The following PTPRZ1 variants were observed in gnomAD, a reference collection of about 807,000 sequenced individuals.
PTPRZ1 encodes receptor-type tyrosine-protein phosphatase zeta.
A neutral mutation model predicts 214.1 loss-of-function variants in PTPRZ1; 82 were observed. The observed-to-expected ratio is 0.38, with a 90% CI of 0.32 to 0.46. The LOEUF (loss-of-function observed/expected upper bound fraction) is 0.46. Among genes scored for constraint, PTPRZ1 ranks in the 20% least tolerant of loss-of-function variants. PTPRZ1 has a pLI of 1.00. For missense variants in PTPRZ1, 2,603 were observed against 2,748.7 expected (o/e 0.95, Z 1.19); for synonymous variants, 945 against 987.9 (o/e 0.96, Z 0.81).
At chr7:122,018,481 T>C (rs1252507555) in intron 12 of PTPRZ1, among the ~76,000 whole-genome samples, 4 of 152,024 alleles carry the variant, frequency 2.6e-5, no homozygotes, top group Non-Finnish European at 4.4e-5. Flanking sequence ...ATTTCTTAGA[T>C]CTACATATTC....
At chr7:121,927,496 A>T (rs1795799676) in intron 1 of PTPRZ1, among the ~76,000 whole-genome samples, 1 of 151,680 alleles carries the variant, frequency 6.6e-6, no homozygotes. Flanking sequence ...AGATCTAGAG[A>T]CTCTCTCTGG....
intron 2 of PTPRZ1, among the ~76,000 whole-genome samples, chr7:121,947,521 T>C (rs975962992): frequency 2.0e-5 from 3 of 152,200 alleles, no homozygotes; most frequent in Non-Finnish European, 4.4e-5. Flanking sequence ...CCCTGTAGTT[T>C]AAATTGAAAA....
chr7:121,903,966 T>TCTCTCACACA (rs1554427276), intron 1 of PTPRZ1, among the ~76,000 whole-genome samples: 2 of 123,846 alleles, frequency 1.6e-5, no homozygotes, highest in African/African-American at 6.1e-5. Flanking sequence ...TCTTTAAATC[T>TCTCTCACACA]CACACACACA....
intron 3 of PTPRZ1, among the ~76,000 whole-genome samples, chr7:121,971,153 T>C (rs944149218): frequency 1.3e-5 from 2 of 152,200 alleles, no homozygotes; most frequent in African/African-American, 4.8e-5. Context: ...TTCTGTTCCA[T>C]TGGTCTCTAC....
At chr7:122,023,815 T>C (rs1479985695) in intron 13 of PTPRZ1, among the ~76,000 whole-genome samples, 1 of 130,764 alleles carries the variant, frequency 7.6e-6, no homozygotes, top group African/African-American at 2.9e-5. Context: ...TAATTATATA[T>C]TATATGTATA....
intron 4 of PTPRZ1, among the ~76,000 whole-genome samples, chr7:121,974,678 C>T (rs193012530): frequency 7.2e-5 from 11 of 152,006 alleles, no homozygotes; most frequent in African/African-American, 9.6e-5. Flanking sequence ...TAAGTAGAGA[C>T]GGAGTTTCAC....
intron 22 of PTPRZ1, 75 bp from the exon 23 acceptor site, chr7:122,044,347 A>G: frequency 4.6e-6 from 7 of 1,534,128 alleles, no homozygotes; most frequent in Non-Finnish European, 6.2e-6. Context: ...CTGTCAATGG[A>G]AGGTACTATG....
chr7:121,944,443 T>G (rs1796315038), intron 2 of PTPRZ1, among the ~76,000 whole-genome samples: 1 of 152,154 alleles, frequency 6.6e-6, no homozygotes, highest in African/African-American at 2.4e-5. Context: ...TATTTTTGGC[T>G]GTTGGTAATG....
chr7:122,060,449 T>C (rs913009570), intron 29 of PTPRZ1, among the ~76,000 whole-genome samples: 9 of 152,194 alleles, frequency 5.9e-5, no homozygotes, highest in Non-Finnish European at 1.3e-4. Context: ...AGGTTCTCTG[T>C]AGCTACCTCT....
intron 6 of PTPRZ1, among the ~76,000 whole-genome samples, chr7:121,979,085 C>T (rs570943321): frequency 6.6e-6 from 1 of 151,370 alleles, no homozygotes; most frequent in Non-Finnish European, 1.5e-5. Flanking sequence ...AAAAAAACAC[C>T]TTTTCAACCA....
In PTPRZ1 at chr7:122,059,765, G is replaced by A. The variant is rs779545163; in HGVS notation, c.6684G>A (p.Val2228=). ...TTTTTTTTACAAGGCATGGAGGAGT[G>A]ACGGCAGGAACTTTCTGTGCTCTGA... ...PMIVHDEHGG[V]TAGTFCALTT... Residue 2228 remains valine (V), a synonymous_variant, in exon 29 of 30, where the codon GTG becomes GTA. Transcript: ENST00000393386. 1.5e-5 allele frequency: 24 copies of A among 1,610,106 alleles called. No homozygotes were observed. The highest frequency in any genetic ancestry group is 2.0e-5 in the Non-Finnish European group (24 of 1,178,722).
chr7:121,929,285 C>T (rs538794130), intron 2 of PTPRZ1, among the ~76,000 whole-genome samples: 5 of 152,072 alleles, frequency 3.3e-5, no homozygotes, highest in African/African-American at 1.2e-4. Context: ...GCAGTTTACT[C>T]TTAAAATTAT....
chr7:122,045,687 C>CAT (rs1367571869), intron 23 of PTPRZ1, among the ~76,000 whole-genome samples: 5 of 150,210 alleles, frequency 3.3e-5, no homozygotes, highest in African/African-American at 1.2e-4. Flanking sequence ...ATAAATTACA[C>CAT]ACACACACAC....
In PTPRZ1 at chr7:122,034,361, A is replaced by G; in HGVS notation, c.5267A>G (p.Tyr1756Cys). The part of the protein sequence containing the change: ...NHPDNKHKNR[Y>C]INIVAYDHSR... ...CCAGACAACAAGCACAAGAATCGATACATAAATATCGTTGCCTGTAAGTAT... is the reference window on the plus strand; with the variant it reads ...CCAGACAACAAGCACAAGAATCGATGCATAAATATCGTTGCCTGTAAGTAT... Residue 1756 changes from tyrosine (Y) to cysteine (C), a missense_variant, in exon 17 of 30, where the codon TAC (tyrosine) becomes TGC (cysteine). By Grantham distance (194) the Tyr-to-Cys change is radical. Transcript: ENST00000393386. 1.2e-6 allele frequency: 2 copies of G among 1,612,996 alleles called. No individual in the cohort carries two copies. The highest frequency in any genetic ancestry group is 1.7e-6 in the Non-Finnish European group (2 of 1,179,348).
intron 2 of PTPRZ1, among the ~76,000 whole-genome samples, chr7:121,952,166 G>T (rs1796565898): frequency 6.6e-6 from 1 of 152,074 alleles, no homozygotes; most frequent in Admixed American, 6.5e-5. Context: ...CACCGTGTTA[G>T]CGAGCATGGT....
At chr7:121,879,999 A>G (rs1794187001) in intron 1 of PTPRZ1, among the ~76,000 whole-genome samples, 1 of 152,216 alleles carries the variant, frequency 6.6e-6, no homozygotes, top group Non-Finnish European at 1.5e-5. Flanking sequence ...TAGGGAAGAG[A>G]TTAATGCTAT....
chr7:121,943,710 A>G (rs1283650108), intron 2 of PTPRZ1, among the ~76,000 whole-genome samples: 2 of 152,196 alleles, frequency 1.3e-5, no homozygotes, highest in Non-Finnish European at 2.9e-5. Context: ...GCTTACTGAA[A>G]AAAGATTACT....
At chr7:121,898,072 C>T (rs1421822435) in intron 1 of PTPRZ1, among the ~76,000 whole-genome samples, 2 of 151,882 alleles carry the variant, frequency 1.3e-5, no homozygotes, top group African/African-American at 4.8e-5. Flanking sequence ...CATTTAAATA[C>T]TACAGTAGCA....
chr7:122,040,695 T>A (rs1799698175), intron 20 of PTPRZ1, 121 bp from the exon 21 acceptor site: 1 of 696,374 alleles, frequency 1.4e-6, no homozygotes, highest in South Asian at 4.6e-5. Flanking sequence ...CAACATCAAA[T>A]CAAGCTATGA....
Sources: allele counts gnomAD v4.1 joint callset (sites outside exome capture counted in the v4.1 genomes callset), GRCh38; gene constraint gnomAD v4.1.1; transcripts MANE v1.5; gene names NCBI Gene and HGNC (gene_info 2026-07-23, HGNC 2026-07-21).